Variants in C2CD4B observed in about 807,000 individuals in gnomAD.
C2CD4B encodes the protein C2 calcium dependent domain containing 4B.
For missense variants in C2CD4B, 644 were observed against 577.7 expected (o/e 1.11, Z -1.18); for synonymous variants, 347 against 284.9 (o/e 1.22, Z -2.20).
chr15:62,164,163 G>A lies in C2CD4B; in HGVS notation c.822C>T (p.Ser274=), dbSNP rs777211056. The A allele has an allele frequency of 1.4e-6, 2 of 1,465,446 alleles. No individual in the cohort carries two copies. Among genetic ancestry groups the A allele is most frequent in the Non-Finnish European group, 1.8e-6 (2 of 1,118,056 alleles). The allele number at this position is 1,465,446 out of a possible 1,614,324, so 90.8% of individuals were successfully genotyped here. The change falls in exon 2 of 2, where the codon AGC becomes AGT. Residue 274 remains serine, a synonymous_variant. Coordinates refer to ENST00000380392, the MANE Select transcript of C2CD4B (RefSeq NM_001007595.3). ...GGGGCCCGGGGGCGCCTCCGAACAG[G>A]CTCTCCGCGCGGAGCAGCCGGAGGC... The part of the protein sequence containing the change: ...RLRLRLLRAE[S]LFGGAPGPRA...
At position 62,165,033 on chromosome 15, in the gene C2CD4B, G is replaced by C. The variant is rs750790163; in HGVS notation, c.-40-9C>G. The C allele has an allele frequency of 6.8e-7, 1 of 1,462,538 alleles. No individual in the cohort carries two copies. The highest frequency in any genetic ancestry group is 9.0e-7 in the Non-Finnish European group (1 of 1,110,856). The allele number at this position is 1,462,538 out of a possible 1,614,324, so 90.6% of individuals were successfully genotyped here. ...GGCGGGAAGAGGTGCGCCTGCGGGG[G>C]AGAGAAGCTGCTGAGTTTGGGCGCC... On this transcript the variant is annotated splice_polypyrimidine_tract_variant and intron_variant, in intron 1 of 1. Coordinates refer to ENST00000380392, the MANE Select transcript of C2CD4B (RefSeq NM_001007595.3).
In C2CD4B at chr15:62,163,953, G is replaced by A; in HGVS notation, c.1032C>T (p.Gly344=). The change falls in exon 2 of 2, where the codon GGC becomes GGT. Residue 344 remains glycine (G), a synonymous_variant. Transcript: ENST00000380392. ...VRVKARDEGR[G]RDRGRLLGQG... ...GGCCCAGCAGGCGGCCCCGATCCCG[G>A]CCGCGACCCTCATCCCGGGCCTTGA... 6.3e-7 allele frequency: 1 copy of A among 1,582,046 alleles called. No individual in the cohort carries two copies.
At position 62,164,211 on chromosome 15, in the gene C2CD4B, G is replaced by A; in HGVS notation, c.774C>T (p.Tyr258=). The change falls in exon 2 of 2, where the codon TAC becomes TAT. Residue 258 remains tyrosine (Y), a synonymous_variant. Transcript: ENST00000380392. The part of the protein sequence containing the change: ...AGDALRLAAE[Y]CPGTRRLRLR... Reference sequence around the variant, plus strand: ...GGCGGAGACGCCGGGTTCCCGGACAGTACTCAGCAGCCAGGCGCAGGGCGT... The same window carrying A: ...GGCGGAGACGCCGGGTTCCCGGACAATACTCAGCAGCCAGGCGCAGGGCGT... 1.4e-6 allele frequency: 2 copies of A among 1,473,280 alleles called. No individual in the cohort carries two copies. Among genetic ancestry groups the A allele is most frequent in the South Asian group, 1.3e-5 (1 of 77,110 alleles). 91.3% of individuals were successfully genotyped at this position (1,473,280 alleles called of 1,614,324 possible). A position where few individuals can be genotyped will look rare whatever the true frequency, so the allele number is the denominator to read the frequency against.
Position 62,163,907 on chromosome 15 carries a change from C to G in C2CD4B, c.1078G>C (p.Ala360Pro). 1 of 1,522,700 alleles carries G rather than the reference C, an allele frequency of 6.6e-7. No homozygotes were observed. Among genetic ancestry groups the G allele is most frequent in the Non-Finnish European group, 8.8e-7 (1 of 1,140,318 alleles). The allele number at this position is 1,522,700 out of a possible 1,614,324, so 94.3% of individuals were successfully genotyped here. The change falls in exon 2 of 2, where the codon GCC becomes CCC. Residue 360 changes from alanine (A) to proline (P), a missense_variant. Ala to Pro is a conservative substitution (Grantham distance 27, BLOSUM62 -1). Coordinates refer to ENST00000380392, the MANE Select transcript of C2CD4B (RefSeq NM_001007595.3). ...LLGQGELSLGALLLL is the reference protein window; with the variant it reads ...LLGQGELSLGPLLLL ...CTGGGCCCTCAGAGCAGCAGGAGGGCGCCCAGGGACAGCTCACCCTGGCCC... is the reference window on the plus strand; with the variant it reads ...CTGGGCCCTCAGAGCAGCAGGAGGGGGCCCAGGGACAGCTCACCCTGGCCC...
At position 62,164,239 on chromosome 15, in the gene C2CD4B, C is replaced by T. The variant is rs940744500; in HGVS notation, c.746G>A (p.Gly249Asp). The T allele has an allele frequency of 4.8e-6, 7 of 1,453,108 alleles. No individual in the cohort carries two copies. Among genetic ancestry groups the T allele is most frequent in the African/African-American group, 4.4e-5 (3 of 67,494 alleles). 90.0% of individuals were successfully genotyped at this position (1,453,108 alleles called of 1,614,324 possible). ...AKGTVALGRAGDALRLAAEYC... is the reference protein window; with the variant it reads ...AKGTVALGRADDALRLAAEYC... ...CTCAGCAGCCAGGCGCAGGGCGTCG[C>T]CGGCGCGGCCCAGAGCCACGGTGCC... The change falls in exon 2 of 2, where the codon GGC (glycine) becomes GAC (aspartate). Residue 249 changes from glycine to aspartate, a missense_variant. Gly to Asp is a moderately conservative substitution (Grantham distance 94, BLOSUM62 -1). Transcript: ENST00000380392.
chr15:62,164,240 C>T lies in C2CD4B; in HGVS notation c.745G>A (p.Gly249Ser), dbSNP rs572583237. 1.7e-5 allele frequency: 25 copies of T among 1,453,084 alleles called. No individual in the cohort carries two copies. The South Asian group carries it at 2.8e-4, about 17-fold the overall frequency. 90.0% of individuals were successfully genotyped at this position (1,453,084 alleles called of 1,614,324 possible). The change falls in exon 2 of 2, where the codon GGC (glycine) becomes AGC (serine). Residue 249 changes from glycine (G) to serine (S), a missense_variant. By Grantham distance (56) the Gly-to-Ser change is moderately conservative (BLOSUM62 0). Coordinates refer to ENST00000380392, the MANE Select transcript of C2CD4B (RefSeq NM_001007595.3). ...AKGTVALGRAGDALRLAAEYC... is the reference protein window; with the variant it reads ...AKGTVALGRASDALRLAAEYC... ...TCAGCAGCCAGGCGCAGGGCGTCGCCGGCGCGGCCCAGAGCCACGGTGCCC... is the reference window on the plus strand; with the variant it reads ...TCAGCAGCCAGGCGCAGGGCGTCGCTGGCGCGGCCCAGAGCCACGGTGCCC...
chr15:62,164,520 C>A lies in C2CD4B; in HGVS notation c.465G>T (p.Ala155=). 8.6e-7 allele frequency: 1 copy of A among 1,167,276 alleles called. No individual in the cohort carries two copies. The highest frequency in any genetic ancestry group is 1.1e-6 in the Non-Finnish European group (1 of 948,248). The allele number at this position is 1,167,276 out of a possible 1,614,324, so 72.3% of individuals were successfully genotyped here. A position where few individuals can be genotyped will look rare whatever the true frequency, so the allele number is the denominator to read the frequency against. The change falls in exon 2 of 2, where the codon GCG becomes GCT. Residue 155 remains alanine (A), a synonymous_variant. Transcript: ENST00000380392. ...GPRGPGPATP[A]APGGPRLPQD... ...GGGGCAGGCGGGGACCGCCGGGGGC[C>A]GCGGGGGTGGCCGGGCCCGGACCTC...
In C2CD4B at chr15:62,164,133, G is replaced by T. The variant is rs1008425537; in HGVS notation, c.852C>A (p.Ala284=). The T allele has an allele frequency of 2.1e-6, 3 of 1,462,404 alleles. No homozygotes were observed. The highest frequency in any genetic ancestry group is 2.7e-6 in the Non-Finnish European group (3 of 1,116,832). 90.6% of individuals were successfully genotyped at this position (1,462,404 alleles called of 1,614,324 possible). The change falls in exon 2 of 2, where the codon GCC becomes GCA. Residue 284 remains alanine, a synonymous_variant. Coordinates refer to ENST00000380392, the MANE Select transcript of C2CD4B (RefSeq NM_001007595.3). ...SLFGGAPGPR[A]VRCRLSLVLR... ...GGACGAGGCTGAGGCGGCAGCGGAC[G>T]GCGCGGGGCCCGGGGGCGCCTCCGA... is the stretch of plus-strand genomic sequence containing the variant.
chr15:62,163,979 C>A lies in C2CD4B; in HGVS notation c.1006G>T (p.Val336Phe). 1 of 1,597,870 alleles carries A rather than the reference C, an allele frequency of 6.3e-7. No individual in the cohort carries two copies. Among genetic ancestry groups the A allele is most frequent in the Non-Finnish European group, 8.5e-7 (1 of 1,174,922 alleles). The stretch of plus-strand genomic sequence containing the variant: ...CCGCGACCCTCATCCCGGGCCTTGA[C>A]GCGAACGGCCAGGCGGCGCACCTCG... ...EDEVRRLAVR[V>F]KARDEGRGRD... The change falls in exon 2 of 2, where the codon GTC becomes TTC. Residue 336 changes from valine to phenylalanine, a missense_variant. Physicochemically the swap from Val to Phe is conservative, Grantham distance 50. Transcript: ENST00000380392.
chr15:62,164,371 C>A lies in C2CD4B; in HGVS notation c.614G>T (p.Gly205Val). The A allele has an allele frequency of 7.0e-7, 1 of 1,419,468 alleles. No homozygotes were observed. Among genetic ancestry groups the A allele is most frequent in the Non-Finnish European group, 9.1e-7 (1 of 1,093,738 alleles). The allele number at this position is 1,419,468 out of a possible 1,614,324, so 87.9% of individuals were successfully genotyped here. The change falls in exon 2 of 2, where the codon GGG (glycine) becomes GTG (valine). Residue 205 changes from glycine (G) to valine (V), a missense_variant. Gly to Val is a moderately radical substitution (Grantham distance 109, BLOSUM62 -3). Transcript: ENST00000380392. Reference protein sequence around the residue: ...RLARVRSVSSGNEDEERRAGS... With the variant: ...RLARVRSVSSVNEDEERRAGS... ...CGCGCGGCGCTCCTCGTCCTCGTTC[C>A]CGCTGGAGACGGAGCGGACGCGGGC...
Position 62,164,351 on chromosome 15 carries a change from G to A in C2CD4B, c.634C>T (p.Arg212Cys), listed in dbSNP as rs1443217439. Residue 212 changes from arginine (R) to cysteine (C), a missense_variant, in exon 2 of 2, where the codon CGC (arginine) becomes TGC (cysteine). Transcript: ENST00000380392. ...VSSGNEDEER[R>C]AGSESPARAP... is the part of the protein sequence containing the mutation. ...CGGGCCGGGGACTCGGATCCCGCGC[G>A]GCGCTCCTCGTCCTCGTTCCCGCTG... is the stretch of plus-strand genomic sequence containing the variant. 1.4e-6 allele frequency: 2 copies of A among 1,403,106 alleles called. No homozygotes were observed. Among genetic ancestry groups the A allele is most frequent in the Non-Finnish European group, 9.2e-7 (1 of 1,087,834 alleles). The allele number at this position is 1,403,106 out of a possible 1,614,324, so 86.9% of individuals were successfully genotyped here. A position where few individuals can be genotyped will look rare whatever the true frequency, so the allele number is the denominator to read the frequency against.
chr15:62,164,327 G>C lies in C2CD4B; in HGVS notation c.658C>G (p.Arg220Gly), dbSNP rs918812564. The C allele has an allele frequency of 2.9e-6, 4 of 1,402,418 alleles. No homozygotes were observed. The highest frequency in any genetic ancestry group is 3.0e-5 in the East Asian group (1 of 32,824). The allele number at this position is 1,402,418 out of a possible 1,614,324, so 86.9% of individuals were successfully genotyped here. ...ERRAGSESPA[R>G]APSSSPLSSR... ...GACAGCGGGCTCGAGGAGGGGGCCC[G>C]GGCCGGGGACTCGGATCCCGCGCGG... The change falls in exon 2 of 2, where the codon CGG becomes GGG. Residue 220 changes from arginine (R) to glycine (G), a missense_variant. Coordinates refer to ENST00000380392, the MANE Select transcript of C2CD4B (RefSeq NM_001007595.3).
chr15:62,163,937 G>T lies in C2CD4B; in HGVS notation c.1048C>A (p.Leu350Met). Reference sequence around the variant, plus strand: ...AGGGACAGCTCACCCTGGCCCAGCAGGCGGCCCCGATCCCGGCCGCGACCC... The same window carrying T: ...AGGGACAGCTCACCCTGGCCCAGCATGCGGCCCCGATCCCGGCCGCGACCC... ...DEGRGRDRGRLLGQGELSLGA... is the reference protein window; with the variant it reads ...DEGRGRDRGRMLGQGELSLGA... Residue 350 changes from leucine (L) to methionine (M), a missense_variant, in exon 2 of 2, where the codon CTG (leucine) becomes ATG (methionine). By Grantham distance (15) the Leu-to-Met change is conservative. Coordinates refer to ENST00000380392, the MANE Select transcript of C2CD4B (RefSeq NM_001007595.3). The T allele has an allele frequency of 6.4e-7, 1 of 1,565,798 alleles. No homozygotes were observed. The highest frequency in any genetic ancestry group is 8.6e-7 in the Non-Finnish European group (1 of 1,160,302).
rs1333290619 is a variant in C2CD4B at position 62,164,138 on chromosome 15, G to T, written c.847C>A (p.Arg283Ser). 1 of 1,452,732 alleles carries T rather than the reference G, an allele frequency of 6.9e-7. No individual in the cohort carries two copies. The allele number at this position is 1,452,732 out of a possible 1,614,324, so 90.0% of individuals were successfully genotyped here. ...ESLFGGAPGPRAVRCRLSLVL... is the reference protein window; with the variant it reads ...ESLFGGAPGPSAVRCRLSLVL... ...AGGCTGAGGCGGCAGCGGACGGCGC[G>T]GGGCCCGGGGGCGCCTCCGAACAGG... Residue 283 changes from arginine to serine, a missense_variant, in exon 2 of 2, where the codon CGC becomes AGC. Transcript: ENST00000380392.
Position 62,164,195 on chromosome 15 carries a change from G to C in C2CD4B, c.790C>G (p.Arg264Gly). The change falls in exon 2 of 2, where the codon CGT (arginine) becomes GGT (glycine). Residue 264 changes from arginine (R) to glycine (G), a missense_variant. Arg to Gly is a moderately radical substitution (Grantham distance 125, BLOSUM62 -2). Coordinates refer to ENST00000380392, the MANE Select transcript of C2CD4B (RefSeq NM_001007595.3). ...GCGCGGAGCAGCCGGAGGCGGAGAC[G>C]CCGGGTTCCCGGACAGTACTCAGCA... ...LAAEYCPGTR[R>G]LRLRLLRAES... 1 of 1,477,604 alleles carries C rather than the reference G, an allele frequency of 6.8e-7. No individual in the cohort carries two copies. 91.5% of individuals were successfully genotyped at this position (1,477,604 alleles called of 1,614,324 possible). A position where few individuals can be genotyped will look rare whatever the true frequency, so the allele number is the denominator to read the frequency against.
At position 62,164,661 on chromosome 15, in the gene C2CD4B, G is replaced by C; in HGVS notation, c.324C>G (p.His108Gln). The change falls in exon 2 of 2, where the codon CAC (histidine) becomes CAG (glutamine). Residue 108 changes from histidine to glutamine, a missense_variant. Transcript: ENST00000380392. ...YGFCALLESP[H>Q]TRRKESLLLG... ...GCAGGAGCGACTCCTTGCGGCGCGT[G>C]TGCGGGCTCTCGAGCAGCGCGCAGA... is the stretch of plus-strand genomic sequence containing the variant. The C allele has an allele frequency of 4.2e-6, 6 of 1,434,630 alleles. No individual in the cohort carries two copies. The highest frequency in any genetic ancestry group is 5.5e-6 in the Non-Finnish European group (6 of 1,096,370). 88.9% of individuals were successfully genotyped at this position (1,434,630 alleles called of 1,614,324 possible). A position where few individuals can be genotyped will look rare whatever the true frequency, so the allele number is the denominator to read the frequency against.
At position 62,163,958 on chromosome 15, in the gene C2CD4B, G is replaced by C. The variant is rs1236491970; in HGVS notation, c.1027C>G (p.Arg343Gly). ...AGCAGGCGGCCCCGATCCCGGCCGC[G>C]ACCCTCATCCCGGGCCTTGACGCGA... ...AVRVKARDEGRGRDRGRLLGQ... is the reference protein window; with the variant it reads ...AVRVKARDEGGGRDRGRLLGQ... Residue 343 changes from arginine to glycine, a missense_variant, in exon 2 of 2, where the codon CGC becomes GGC. Physicochemically the swap from Arg to Gly is moderately radical, Grantham distance 125. Transcript: ENST00000380392. 4 of 1,586,510 alleles carry C rather than the reference G, an allele frequency of 2.5e-6. No individual in the cohort carries two copies. The highest frequency in any genetic ancestry group is 1.1e-5 in the South Asian group (1 of 87,386).
chr15:62,165,149 G>C lies in C2CD4B; in HGVS notation c.-41+46C>G, dbSNP rs912930751. On this transcript the variant is annotated intron_variant, in intron 1 of 1. Transcript: ENST00000380392. The stretch of plus-strand genomic sequence containing the variant: ...TGTTTAAGACCCCAGACCAGTTCCA[G>C]CCTTCCTCTCCCCTGCACCCACAAC... The C allele has an allele frequency of 3.6e-5, 26 of 729,408 alleles. No individual in the cohort carries two copies. The East Asian group carries it at 8.7e-4, about 24-fold the overall frequency. The allele number at this position is 729,408 out of a possible 1,614,324, so 45.2% of individuals were successfully genotyped here. A position where few individuals can be genotyped will look rare whatever the true frequency, so the allele number is the denominator to read the frequency against.
chr15:62,164,774 C>G lies in C2CD4B; in HGVS notation c.211G>C (p.Glu71Gln), dbSNP rs373990152. 3.4e-4 allele frequency: 511 copies of G among 1,481,188 alleles called. 3 individuals carry two copies. The African/African-American group carries it at 6.7e-3, about 19-fold the overall frequency. The allele number at this position is 1,481,188 out of a possible 1,614,324, so 91.8% of individuals were successfully genotyped here. Reference sequence around the variant, plus strand: ...TCCCAGTCCGTGCGGCCGGCGTCCTCGTCTGCCGCGCGGGGCCACAGGTCG... The same window carrying G: ...TCCCAGTCCGTGCGGCCGGCGTCCTGGTCTGCCGCGCGGGGCCACAGGTCG... ...ESDLWPRAADEDAGRTDWDPR... is the reference protein window; with the variant it reads ...ESDLWPRAADQDAGRTDWDPR... Residue 71 changes from glutamate (E) to glutamine (Q), a missense_variant, in exon 2 of 2, where the codon GAG (glutamate) becomes CAG (glutamine). Transcript: ENST00000380392.
Sources: gnomAD v4.1 joint callset for allele counts on GRCh38, gnomAD v4.1.1 for gene constraint, MANE v1.5 for transcripts, NCBI Gene and HGNC (gene_info 2026-07-23, HGNC 2026-07-21) for gene names.